Variants in SPSB4 observed in about 807,000 individuals in gnomAD.
SPSB4 encodes splA/ryanodine receptor domain and SOCS box containing 4.
A neutral mutation model predicts 20.9 loss-of-function variants in SPSB4; 21 were observed. The observed-to-expected ratio is 1.01, with a 90% confidence interval of 0.71 to 1.45. The LOEUF (loss-of-function observed/expected upper bound fraction) is 1.45, where lower values mean the gene tolerates loss of function less well. Ranked by LOEUF, SPSB4 falls within the 40% of genes most tolerant of loss-of-function variation. The probability of loss-of-function intolerance (pLI) is 0.00; values close to 1 mark genes in which losing one functional copy is unlikely to be tolerated. For synonymous variants in SPSB4, 207 were observed against 183.8 expected, an observed-to-expected ratio of 1.13 and a Z score of -1.02; for missense variants, 399 against 399.2, an observed-to-expected ratio of 1.00 and a Z score of 0.00.
rs185377743 is a variant in SPSB4 at position 141,060,259 on chromosome 3, T to C, written c.-153-5693T>C. Among the ~76,000 whole-genome samples the C allele has an allele frequency of 4.7e-3, 714 of 152,300 alleles. 5 individuals carry two copies. The highest frequency in any genetic ancestry group is 0.015 in the African/African-American group (644 of 41,562). On this transcript the variant is annotated intron_variant, in intron 1 of 2. Transcript: ENST00000310546. ...CTTCCCTGGGGCTGCTGTTTGGCTG[T>C]TGCTTTCAAACATGTTTAAGTGTCT... is the stretch of plus-strand genomic sequence containing the variant.
intron 2 of SPSB4, among the ~76,000 whole-genome samples, chr3:141,079,037 G>A (rs756588926): frequency 1.4e-4 from 21 of 152,222 alleles, no homozygotes; most frequent in South Asian, 1.0e-3. Context: ...CGAGGTGGGC[G>A]GATCACAAGG....
intron 2 of SPSB4, among the ~76,000 whole-genome samples, chr3:141,134,879 TTTC>T (rs1462817694): frequency 6.8e-6 from 1 of 148,124 alleles, no homozygotes; most frequent in Non-Finnish European, 1.5e-5. Flanking sequence ...TTTGGAATAG[TTTC>T]TTTTTTTTTT....
At position 141,092,120 on chromosome 3, in the gene SPSB4, C is replaced by T. The variant is rs114304426; in HGVS notation, c.694+25322C>T. The stretch of plus-strand genomic sequence containing the variant: ...AGCAGAATGTCAGTTTTGAATCAGA[C>T]GGAGCTAGGTTCAAATCTCAGCTTC... On this transcript the variant is annotated intron_variant, in intron 2 of 2. Coordinates refer to ENST00000310546, the MANE Select transcript of SPSB4 (RefSeq NM_080862.3). 5.3e-3 allele frequency among the ~76,000 whole-genome samples: 810 copies of T among 152,222 alleles called. 10 individuals are homozygous for T. Among genetic ancestry groups the T allele is most frequent in the African/African-American group, 0.019 (789 of 41,534 alleles).
chr3:141,085,824 C>T (rs1938327926), intron 2 of SPSB4, among the ~76,000 whole-genome samples: 1 of 152,196 alleles, frequency 6.6e-6, no homozygotes, highest in Non-Finnish European at 1.5e-5. Flanking sequence ...TAGGGATTCC[C>T]AAGGTTTGGT....
intron 2 of SPSB4, among the ~76,000 whole-genome samples, chr3:141,107,991 G>C (rs1183161598): frequency 6.6e-6 from 1 of 151,994 alleles, no homozygotes; most frequent in Admixed American, 6.6e-5. Context: ...TTATTTGTCT[G>C]CGGTGGCCTC....
chr3:141,114,585 C>T (rs542975502), intron 2 of SPSB4, among the ~76,000 whole-genome samples: 1 of 152,296 alleles, frequency 6.6e-6, no homozygotes, highest in South Asian at 2.1e-4. Flanking sequence ...CCACCGTGGC[C>T]AGCCTGGGCA....
chr3:141,056,417 C>T (rs961139486), intron 1 of SPSB4, among the ~76,000 whole-genome samples: 2 of 152,234 alleles, frequency 1.3e-5, no homozygotes, highest in Admixed American at 1.3e-4. Flanking sequence ...TCCTCTCTTC[C>T]TCTCATCCTC....
chr3:141,099,035 A>G (rs1938581370), intron 2 of SPSB4, among the ~76,000 whole-genome samples: 1 of 152,192 alleles, frequency 6.6e-6, no homozygotes, highest in African/African-American at 2.4e-5. Context: ...ACCCACTCCT[A>G]TAGTAACAGC....
intron 2 of SPSB4, among the ~76,000 whole-genome samples, chr3:141,104,841 C>A (rs141986039): frequency 1.3e-5 from 2 of 152,300 alleles, no homozygotes; most frequent in East Asian, 3.9e-4. Context: ...ACAGAATTTG[C>A]GCCGTTAGAG....
intron 2 of SPSB4, among the ~76,000 whole-genome samples, chr3:141,093,798 C>T (rs1015874198): frequency 1.7e-4 from 26 of 152,334 alleles, no homozygotes; most frequent in African/African-American, 6.0e-4. Flanking sequence ...GCATGAAGAG[C>T]CCTGTGCCCA....
intron 2 of SPSB4, among the ~76,000 whole-genome samples, chr3:141,135,272 G>C (rs909876736): frequency 6.6e-6 from 1 of 151,694 alleles, no homozygotes; most frequent in Admixed American, 6.6e-5. Flanking sequence ...GCATTGCATT[G>C]TATTAATATA....
intron 2 of SPSB4, among the ~76,000 whole-genome samples, chr3:141,100,119 C>T (rs1938593478): frequency 6.6e-6 from 1 of 152,220 alleles, no homozygotes; most frequent in African/African-American, 2.4e-5. Flanking sequence ...CCCAACTGCC[C>T]TGTAGTGAGC....
chr3:141,094,290 G>C (rs563501510), intron 2 of SPSB4, among the ~76,000 whole-genome samples: 1 of 152,302 alleles, frequency 6.6e-6, no homozygotes, highest in African/African-American at 2.4e-5. Flanking sequence ...GCACTGGGCC[G>C]GCTCAGAGCA....
At chr3:141,089,267 C>A (rs547182213) in intron 2 of SPSB4, among the ~76,000 whole-genome samples, 1 of 152,312 alleles carries the variant, frequency 6.6e-6, no homozygotes, top group South Asian at 2.1e-4. Context: ...ACCGGGAGGC[C>A]AGACCAGGAT....
At chr3:141,108,407 A>G (rs928011425) in intron 2 of SPSB4, among the ~76,000 whole-genome samples, 2 of 152,166 alleles carry the variant, frequency 1.3e-5, no homozygotes, top group African/African-American at 4.8e-5. Flanking sequence ...TTTTGCTCAA[A>G]CTAATGTTAA....
chr3:141,125,564 G>A (rs568164105), intron 2 of SPSB4, among the ~76,000 whole-genome samples: 1 of 152,324 alleles, frequency 6.6e-6, no homozygotes, highest in African/African-American at 2.4e-5. Flanking sequence ...TGTGCCCCCT[G>A]CCAGGGGTCA....
chr3:141,126,488 T>G (rs1939051704), intron 2 of SPSB4, among the ~76,000 whole-genome samples: 1 of 152,126 alleles, frequency 6.6e-6, no homozygotes, highest in Non-Finnish European at 1.5e-5. Flanking sequence ...TTTCTCCCAC[T>G]TTCCTTCAAT....
Position 141,144,535 on chromosome 3 carries a change from C to G in SPSB4, c.695-2607C>G, listed in dbSNP as rs35674798. Among the ~76,000 whole-genome samples the G allele has an allele frequency of 8.9e-3, 1,359 of 152,348 alleles. 11 individuals carry two copies. The highest frequency in any genetic ancestry group is 0.019 in the Admixed American group (292 of 15,302). On this transcript the variant is annotated intron_variant, in intron 2 of 2. Coordinates refer to ENST00000310546, the MANE Select transcript of SPSB4 (RefSeq NM_080862.3). ...GGGCGCAGCCAACGTTGGGCACTCT[C>G]CGAGCTCTTAAAGTTCCACAGTGGG...
intron 2 of SPSB4, among the ~76,000 whole-genome samples, chr3:141,134,926 A>G (rs1413606117): frequency 6.6e-6 from 1 of 151,270 alleles, no homozygotes; most frequent in African/African-American, 2.4e-5. Flanking sequence ...TTTGTAAATG[A>G]GGTATAACAG....
Sources: allele counts gnomAD v4.1 joint callset (sites outside exome capture counted in the v4.1 genomes callset), GRCh38; gene constraint gnomAD v4.1.1; transcripts MANE v1.5; gene names NCBI Gene and HGNC (gene_info 2026-07-23, HGNC 2026-07-21).